RREB1: variants seen among roughly 807,000 people sequenced by gnomAD.
RREB1 encodes the protein ras-responsive element-binding protein 1.
In RREB1, 27 loss-of-function variants were observed where a neutral mutation model predicts 117.8. The ratio of observed to expected loss-of-function variants is 0.23; its 90% CI spans 0.17 to 0.32. The LOEUF is 0.32. Among genes scored for constraint, RREB1 ranks in the 10% least tolerant of loss-of-function variants. The pLI, the probability that RREB1 is intolerant of heterozygous loss-of-function variation, is 1.00. For missense variants in RREB1, 2,577 were observed against 2,378.2 expected, an observed-to-expected ratio of 1.08 and a Z score of -1.74; for synonymous variants, 1,298 against 1,026.7, an observed-to-expected ratio of 1.26 and a Z score of -5.05.
At chr6:7,203,514 A>G (rs1184363904) in intron 6 of RREB1, among the ~76,000 whole-genome samples, 1 of 152,192 alleles carries the variant, frequency 6.6e-6, no homozygotes, top group Non-Finnish European at 1.5e-5. Context: ...CTGAGGTAGG[A>G]GAGCAGAGAT....
intron 1 of RREB1, among the ~76,000 whole-genome samples, chr6:7,157,293 G>A (rs1342635925): frequency 6.6e-6 from 1 of 152,082 alleles, no homozygotes; most frequent in Non-Finnish European, 1.5e-5. Context: ...ACTTAGCCAG[G>A]TGTGGTGGGG....
At chr6:7,180,678 C>T (rs939259658) in intron 2 of RREB1, among the ~76,000 whole-genome samples, 29 of 152,174 alleles carry the variant, frequency 1.9e-4, no homozygotes, top group Non-Finnish European at 2.4e-4. Context: ...CTTTTCATGT[C>T]GCCAGGTTTC....
At position 7,189,373 on chromosome 6, in the gene RREB1, G is replaced by A; in HGVS notation, c.425+51G>A. The A allele has an allele frequency of 4.0e-6, 6 of 1,510,146 alleles. No homozygotes were observed. In the Middle Eastern group the frequency reaches 1.1e-3, roughly 282 times the overall value. 93.5% of individuals were successfully genotyped at this position (1,510,146 alleles called of 1,614,324 possible). A position where few individuals can be genotyped will look rare whatever the true frequency, so the allele number is the denominator to read the frequency against. Reference sequence around the variant, plus strand: ...GGGGTTGGCTGGTACTTGGAGGTTGGCAGGCAGGACAGTGGCCTCTGAGCC... The same window carrying A: ...GGGGTTGGCTGGTACTTGGAGGTTGACAGGCAGGACAGTGGCCTCTGAGCC... On this transcript the variant is annotated intron_variant, in intron 6 of 12. Coordinates refer to ENST00000379938, the MANE Select transcript of RREB1 (RefSeq NM_001003699.4).
At chr6:7,162,048 C>T (rs187606698) in intron 1 of RREB1, among the ~76,000 whole-genome samples, 16 of 152,266 alleles carry the variant, frequency 1.1e-4, no homozygotes, top group African/African-American at 3.6e-4. Flanking sequence ...ATCATTCTGC[C>T]AGCCGCATCT....
intron 4 of RREB1, chr6:7,184,013 T>G (rs1764939459): frequency 6.6e-6 from 1 of 152,156 alleles, no homozygotes; most frequent in East Asian, 1.9e-4. Context: ...GCTCAGGAGG[T>G]GTGCTCCTTC....
At chr6:7,209,038 A>T (rs911902349) in intron 6 of RREB1, among the ~76,000 whole-genome samples, 1 of 152,164 alleles carries the variant, frequency 6.6e-6, no homozygotes, top group African/African-American at 2.4e-5. Context: ...TAAGGTTCCT[A>T]CTAGGCCCTC....
chr6:7,111,265 G>A, intron 1 of RREB1, among the ~76,000 whole-genome samples: 1 of 152,150 alleles, frequency 6.6e-6, no homozygotes, highest in South Asian at 2.1e-4. Flanking sequence ...AGGTCAGTTA[G>A]GAAGTCTTTG....
At chr6:7,155,427 C>T (rs1220931515) in intron 1 of RREB1, among the ~76,000 whole-genome samples, 1 of 152,258 alleles carries the variant, frequency 6.6e-6, no homozygotes, top group African/African-American at 2.4e-5. Context: ...CTGCCTCACT[C>T]AGCCTCCCGA....
chr6:7,128,964 G>A (rs899889666), intron 1 of RREB1, among the ~76,000 whole-genome samples: 9 of 151,984 alleles, frequency 5.9e-5, no homozygotes, highest in South Asian at 2.1e-4. Flanking sequence ...GTGAGACTCC[G>A]TCTCAAAAAA....
At chr6:7,126,687 G>A (rs1264547745) in intron 1 of RREB1, among the ~76,000 whole-genome samples, 1 of 152,164 alleles carries the variant, frequency 6.6e-6, no homozygotes, top group Non-Finnish European at 1.5e-5. Flanking sequence ...CACAGCAGCT[G>A]GGTAGTTTCA....
At chr6:7,197,754 G>A (rs938574326) in intron 6 of RREB1, among the ~76,000 whole-genome samples, 1 of 152,190 alleles carries the variant, frequency 6.6e-6, no homozygotes, top group Non-Finnish European at 1.5e-5. Flanking sequence ...CCATAGGCAC[G>A]ATTTTTTCTG....
At chr6:7,200,268 G>A (rs1321586326) in intron 6 of RREB1, among the ~76,000 whole-genome samples, 41 of 136,528 alleles carry the variant, frequency 3.0e-4, no homozygotes, top group African/African-American at 1.1e-3. Flanking sequence ...GTGTGTGTGT[G>A]TGTGTGTGTG....
chr6:7,126,521 C>T (rs533386822), intron 1 of RREB1, among the ~76,000 whole-genome samples: 5 of 148,960 alleles, frequency 3.4e-5, no homozygotes, highest in African/African-American at 7.5e-5. Flanking sequence ...TGCCTGCCTC[C>T]GCCTCCCAAA....
intron 2 of RREB1, among the ~76,000 whole-genome samples, chr6:7,178,744 CTA>C (rs1405410672): frequency 4.0e-5 from 6 of 151,808 alleles, no homozygotes; most frequent in African/African-American, 1.5e-4. Context: ...AGATGAGTCT[CTA>C]TTTTTTTTTA....
intron 1 of RREB1, among the ~76,000 whole-genome samples, chr6:7,110,624 A>T (rs1177206786): frequency 1.3e-5 from 2 of 152,204 alleles, no homozygotes; most frequent in African/African-American, 2.4e-5. Context: ...CAAGTTTTAA[A>T]TGTGTTAAAA....
chr6:7,166,072 C>T (rs1385230086), intron 1 of RREB1, among the ~76,000 whole-genome samples: 1 of 152,070 alleles, frequency 6.6e-6, no homozygotes. Flanking sequence ...TGCAGTTAGA[C>T]CCCCCAGGGA....
intron 11 of RREB1, among the ~76,000 whole-genome samples, chr6:7,241,909 A>G (rs544353375): frequency 1.3e-5 from 2 of 152,342 alleles, no homozygotes; most frequent in East Asian, 3.9e-4. Flanking sequence ...TCTTAGCCTA[A>G]CTTGGACCCC....
chr6:7,156,556 C>T (rs1039515054), intron 1 of RREB1, among the ~76,000 whole-genome samples: 7 of 152,122 alleles, frequency 4.6e-5, no homozygotes, highest in African/African-American at 1.4e-4. Context: ...AAAATTCACC[C>T]TGAAAAAAAT....
At chr6:7,248,035 A>C (rs546795934) in intron 12 of RREB1, among the ~76,000 whole-genome samples, 4 of 152,166 alleles carry the variant, frequency 2.6e-5, no homozygotes, top group Non-Finnish European at 5.9e-5. Context: ...GGCTCCCAAC[A>C]AGCGTGGTGG....
Sources: gnomAD v4.1 joint callset for allele counts (sites outside exome capture counted in the v4.1 genomes callset) on GRCh38, gnomAD v4.1.1 for gene constraint, MANE v1.5 for transcripts, NCBI Gene and HGNC (gene_info 2026-07-23, HGNC 2026-07-21) for gene names.